ANAPC2: variants seen among roughly 807,000 people sequenced by gnomAD.
ANAPC2 encodes the protein anaphase-promoting complex subunit 2.
Under a neutral mutation model 84.3 loss-of-function variants are expected in ANAPC2, and 29 were observed. The ratio of observed to expected loss-of-function variants is 0.34; its 90% CI spans 0.26 to 0.47. The LOEUF (loss-of-function observed/expected upper bound fraction) is 0.47, where lower values mean the gene tolerates loss of function less well. Ranked by LOEUF, ANAPC2 falls within the 20% of genes least tolerant of loss-of-function variation. The pLI is 1.00. For missense variants in ANAPC2, 857 were observed against 1,131.7 expected, an observed-to-expected ratio of 0.76 and a Z score of 3.48; for synonymous variants, 571 against 479.4, an observed-to-expected ratio of 1.19 and a Z score of -2.50.
chr9:137,181,943 A>T (rs1834352463), intron 6 of ANAPC2, 81 bp from the exon 7 acceptor site: 1 of 1,472,510 alleles, frequency 6.8e-7, no homozygotes, highest in Non-Finnish European at 9.1e-7. Context: ...TCCCGGCCCC[A>T]TCTAGGCCAG....
chr9:137,184,839 AGAG>A (rs1266019963), intron 4 of ANAPC2, 71 bp downstream of exon 4: 4 of 1,559,562 alleles, frequency 2.6e-6, no homozygotes, highest in Non-Finnish European at 3.5e-6. Context: ...ATGCAGACAC[AGAG>A]GAGACACGGG....
At chr9:137,185,915 A>G (rs1834456279) in intron 3 of ANAPC2, among the ~76,000 whole-genome samples, 1 of 152,182 alleles carries the variant, frequency 6.6e-6, no homozygotes, top group Non-Finnish European at 1.5e-5. Flanking sequence ...GGATCCATTC[A>G]GTGGCTCCTC....
At position 137,175,399 on chromosome 9, in the gene ANAPC2, C is replaced by T. The variant is rs368445005; in HGVS notation, c.2094G>A (p.Val698=). ...PVALLRRRMS[V]WLQQGVLREE... ...CACGCAGCACACCCTGCTGCAGCCA[C>T]ACGGACATCCGCCGCCGCAGCAGCG... Residue 698 remains valine (V), a synonymous_variant, in exon 12 of 13, where the codon GTG becomes GTA. Coordinates refer to ENST00000323927, the MANE Select transcript of ANAPC2 (RefSeq NM_013366.4). 24 of 1,608,762 alleles carry T rather than the reference C, an allele frequency of 1.5e-5. No homozygotes were observed. The highest frequency in any genetic ancestry group is 2.0e-5 in the Non-Finnish European group (23 of 1,178,518).
intron 1 of ANAPC2, 138 bp downstream of exon 1, chr9:137,188,278 G>T (rs1834523539): frequency 7.7e-7 from 1 of 1,293,878 alleles, no homozygotes; most frequent in African/African-American, 1.5e-5. Context: ...GAAACGAAAC[G>T]GAAAGGTGGT....
Position 137,175,295 on chromosome 9 carries a change from T to C in ANAPC2, c.2198A>G (p.Asp733Gly). The change falls in exon 12 of 13, where the codon GAC becomes GGC. Residue 733 changes from aspartate to glycine, a missense_variant. Physicochemically the swap from Asp to Gly is moderately conservative, Grantham distance 94. Transcript: ENST00000323927. ...GGCCATGCCGGAGTCGCTCTCGTCG[T>C]CACTGTCAATGAGCACCATGTTGTC... ...DRDNMVLIDS[D>G]DESDSGMASQ... 6.2e-7 allele frequency: 1 copy of C among 1,612,680 alleles called. No homozygotes were observed. Among genetic ancestry groups the C allele is most frequent in the Non-Finnish European group, 8.5e-7 (1 of 1,179,870 alleles).
chr9:137,187,770 C>T lies in ANAPC2; in HGVS notation c.451G>A (p.Glu151Lys). 2 of 1,613,722 alleles carry T rather than the reference C, an allele frequency of 1.2e-6. No homozygotes were observed. Among genetic ancestry groups the T allele is most frequent in the Non-Finnish European group, 1.7e-6 (2 of 1,180,036 alleles). Residue 151 changes from glutamate to lysine, a missense_variant, in exon 2 of 13, where the codon GAA becomes AAA. Glu to Lys is a moderately conservative substitution (Grantham distance 56, BLOSUM62 1). Transcript: ENST00000323927. ...LMGTGAQGLREEVHTMLRGVL... is the reference protein window; with the variant it reads ...LMGTGAQGLRKEVHTMLRGVL... ...CCGCGCAACATAGTGTGGACTTCTT[C>T]TCGCAGCCCCTGAGCACCAGTGCCC...
At chr9:137,185,124 A>T in intron 3 of ANAPC2, 37 bp from the exon 4 acceptor site, 1 of 1,489,436 alleles carries the variant, frequency 6.7e-7, no homozygotes, top group Non-Finnish European at 8.9e-7. Context: ...GCAGGGAGGC[A>T]TGGTGAGCCC....
intron 10 of ANAPC2, among the ~76,000 whole-genome samples, chr9:137,178,001 G>A (rs559857125): frequency 3.9e-5 from 6 of 152,178 alleles, no homozygotes; most frequent in Non-Finnish European, 7.4e-5. Context: ...TCTGTAAAAT[G>A]ATATGTTTCT....
At position 137,186,216 on chromosome 9, in the gene ANAPC2, G is replaced by A. The variant is rs774434892; in HGVS notation, c.873+8C>T. ...CAGCGGGGCACAGCCCAAGGGAGGG[G>A]TCCTCACCTTGTGGAACTCACGCAG... On this transcript the variant is annotated splice_region_variant and intron_variant, in intron 3 of 12. Transcript: ENST00000323927. 13 of 1,612,392 alleles carry A rather than the reference G, an allele frequency of 8.1e-6. No homozygotes were observed. In the East Asian group the frequency reaches 2.5e-4, roughly 30 times the overall value.
intron 3 of ANAPC2, 73 bp downstream of exon 3, chr9:137,186,150 AG>A: frequency 6.3e-7 from 1 of 1,580,854 alleles, no homozygotes; most frequent in Non-Finnish European, 8.6e-7. Flanking sequence ...ATGCTTCTGA[AG>A]CCAGGTGTCA....
chr9:137,184,422 CGCAGACACAGA>C (rs1009741181), intron 4 of ANAPC2, among the ~76,000 whole-genome samples: 2 of 136,980 alleles, frequency 1.5e-5, no homozygotes, highest in African/African-American at 5.6e-5. Context: ...GGAGCCCAGA[CGCAGACACAGA>C]GCAGACACGG....
rs1436484092 is a variant in ANAPC2 at position 137,179,401 on chromosome 9, C to G, written c.1890+780G>C. Among the ~76,000 whole-genome samples, 7 of 152,308 alleles carry G rather than the reference C, an allele frequency of 4.6e-5. No individual in the cohort carries two copies. The East Asian group carries it at 1.3e-3, about 29-fold the overall frequency. On this transcript the variant is annotated intron_variant, in intron 10 of 12. Transcript: ENST00000323927. ...ACCATCCTAACCCTTCCTCCCCGAGCTGACACCTCCCACCTGACTATGAGC... is the reference window on the plus strand; with the variant it reads ...ACCATCCTAACCCTTCCTCCCCGAGGTGACACCTCCCACCTGACTATGAGC...
Position 137,174,912 on chromosome 9 carries a change from T to A in ANAPC2, c.*30A>T. 1 of 552,284 alleles carries A rather than the reference T, an allele frequency of 1.8e-6. No homozygotes were observed. Among genetic ancestry groups the A allele is most frequent in the South Asian group, 1.6e-5 (1 of 61,704 alleles). 34.2% of individuals were successfully genotyped at this position (552,284 alleles called of 1,614,324 possible). A position where few individuals can be genotyped will look rare whatever the true frequency, so the allele number is the denominator to read the frequency against. On this transcript the variant is annotated 3_prime_UTR_variant, in exon 13 of 13. Transcript: ENST00000323927. This position sits in a 1 kb window ranked among gnomAD's most constrained non-coding sequence, Gnocchi z 6.1. ...ACGAGAGCACCTGCAGGGCAGCGCC[T>A]GGCGGGCGGGCGGGCGGGCGGGCGA...
intron 4 of ANAPC2, among the ~76,000 whole-genome samples, chr9:137,184,617 G>A (rs1335110147): frequency 1.5e-5 from 2 of 134,352 alleles, no homozygotes; most frequent in African/African-American, 2.9e-5. Flanking sequence ...AGCCCCAGAC[G>A]CAGACAGAGC....
intron 10 of ANAPC2, chr9:137,177,066 G>A (rs911692499): frequency 2.6e-5 from 4 of 152,268 alleles, no homozygotes; most frequent in Non-Finnish European, 4.4e-5. Flanking sequence ...GCAGCAGACA[G>A]GGACAGGTGG....
chr9:137,175,875 C>T lies in ANAPC2; in HGVS notation c.1891-38G>A, dbSNP rs1156684240. Reference sequence around the variant, plus strand: ...AGGGTCAGCACGGGCAGCTCGGCTGCAGGGCGCTCAGGCCCGTGGGCTCTG... The same window carrying T: ...AGGGTCAGCACGGGCAGCTCGGCTGTAGGGCGCTCAGGCCCGTGGGCTCTG... On this transcript the variant is annotated intron_variant, in intron 10 of 12. Coordinates refer to ENST00000323927, the MANE Select transcript of ANAPC2 (RefSeq NM_013366.4). 8 of 1,561,424 alleles carry T rather than the reference C, an allele frequency of 5.1e-6. 1 individual carries two copies. Among genetic ancestry groups the T allele is most frequent in the Middle Eastern group, 3.4e-4 (2 of 5,950 alleles).
chr9:137,181,917 C>A, intron 6 of ANAPC2, 55 bp from the exon 7 acceptor site: 1 of 1,543,524 alleles, frequency 6.5e-7, no homozygotes, highest in Non-Finnish European at 8.7e-7. Context: ...CGCGCACCTC[C>A]CACCACTCAT....
At chr9:137,181,912 A>T (rs551357840) in intron 6 of ANAPC2, 50 bp from the exon 7 acceptor site, 7 of 1,538,984 alleles carry the variant, frequency 4.5e-6, no homozygotes, top group Middle Eastern at 4.1e-4. Flanking sequence ...CCCCGCGCGC[A>T]CCTCCCACCA....
Position 137,188,479 on chromosome 9 carries a change from C to T in ANAPC2, c.54G>A (p.Gln18=), listed in dbSNP as rs1834529161. 19 of 1,610,424 alleles carry T rather than the reference C, an allele frequency of 1.2e-5. No individual in the cohort carries two copies. The highest frequency in any genetic ancestry group is 1.6e-5 in the Non-Finnish European group (19 of 1,179,520). ...AEGDSDSRPG[Q]ELLVAWNTVS... ...CGGTGTTCCAGGCCACTAACAACTCCTGTCCGGGCCGGGAGTCGCTGTCCC... is the reference window on the plus strand; with the variant it reads ...CGGTGTTCCAGGCCACTAACAACTCTTGTCCGGGCCGGGAGTCGCTGTCCC... The change falls in exon 1 of 13, where the codon CAG becomes CAA. Residue 18 remains glutamine, a synonymous_variant. Coordinates refer to ENST00000323927, the MANE Select transcript of ANAPC2 (RefSeq NM_013366.4).
Sources: gnomAD v4.1 joint callset for allele counts (sites outside exome capture counted in the v4.1 genomes callset) on GRCh38, gnomAD v4.1.1 for gene constraint, Gnocchi (gnomAD v3.1) non-coding constraint, MANE v1.5 for transcripts, NCBI Gene and HGNC (gene_info 2026-07-23, HGNC 2026-07-21) for gene names.